The following PRIM2 variants were observed in gnomAD, a reference collection of about 807,000 sequenced individuals.
PRIM2 encodes the protein DNA primase large subunit.
In PRIM2, 39 loss-of-function variants were observed where a neutral mutation model predicts 67.3. The ratio of observed to expected loss-of-function variants is 0.58; its 90% CI spans 0.45 to 0.76. PRIM2 has a LOEUF of 0.76. Ranked by LOEUF, PRIM2 falls within the 30% of genes least tolerant of loss-of-function variation. PRIM2 has a pLI of 0.00. For missense variants in PRIM2, 398 were observed against 598.7 expected, an observed-to-expected ratio of 0.66 and a Z score of 3.50; for synonymous variants, 143 against 198.7, an observed-to-expected ratio of 0.72 and a Z score of 2.36.
rs147979906 is a variant in PRIM2 at position 57,372,904 on chromosome 6, G to T, written c.460-6997G>T. On this transcript the variant is annotated intron_variant, in intron 5 of 13. Transcript: ENST00000615550. ...TGTCTTTGCTATTGTGAATAGTGCT[G>T]CAGTGAACATATGTGTGCATGTATC... is the stretch of plus-strand genomic sequence containing the variant. 3.7e-3 allele frequency among the ~76,000 whole-genome samples: 561 copies of T among 152,238 alleles called. 7 individuals are homozygous for T. The highest frequency in any genetic ancestry group is 0.013 in the African/African-American group (537 of 41,546).
At chr6:57,424,059 G>T (rs2127373921) in intron 7 of PRIM2, among the ~76,000 whole-genome samples, 1 of 152,248 alleles carries the variant, frequency 6.6e-6, no homozygotes, top group South Asian at 2.1e-4. Flanking sequence ...GATAGGTAAG[G>T]ATGGGCACAG....
At chr6:57,266,670 A>G in the PRIM2 span, among the ~76,000 whole-genome samples, 60 of 152,230 alleles carry the variant, frequency 3.9e-4, no homozygotes, top group Non-Finnish European at 6.3e-4. Context: ...CTGATCTTCT[A>G]CTTCACTTTG....
intron 1 of PRIM2, among the ~76,000 whole-genome samples, chr6:57,318,022 A>G (rs1288807441): frequency 6.6e-6 from 1 of 152,210 alleles, no homozygotes; most frequent in Admixed American, 6.5e-5. Flanking sequence ...CAGTCCATCA[A>G]GTAAGACCCT....
intron 7 of PRIM2, among the ~76,000 whole-genome samples, chr6:57,411,866 A>G (rs1484357034): frequency 5.3e-5 from 8 of 151,830 alleles, no homozygotes; most frequent in Admixed American, 5.2e-4. Flanking sequence ...TATGCAATTT[A>G]TATAGCAGCA....
upstream of PRIM2, among the ~76,000 whole-genome samples, chr6:57,315,796 G>A (rs1370136737): frequency 6.6e-6 from 1 of 151,798 alleles, no homozygotes; most frequent in Non-Finnish European, 1.5e-5. Context: ...TACTTTTTAT[G>A]GTCAAGTCTT....
At chr6:57,645,321 TCACACACACACACACACACACACA>T (rs1189530732) in intron 13 of PRIM2, among the ~76,000 whole-genome samples, 87 of 132,852 alleles carry the variant, frequency 6.5e-4, no homozygotes, top group African/African-American at 2.0e-3. Context: ...ACAATGTCAT[TCACACACACACACACACACACACA>T]CACACACACA....
chr6:57,465,517 G>A (rs1442047674), intron 7 of PRIM2, among the ~76,000 whole-genome samples: 6 of 152,268 alleles, frequency 3.9e-5, no homozygotes, highest in African/African-American at 1.4e-4. Context: ...CTTTGTCGCA[G>A]ATCTGGATGT....
chr6:57,483,243 A>AT (rs1478680997), intron 7 of PRIM2, among the ~76,000 whole-genome samples: 59 of 152,170 alleles, frequency 3.9e-4, no homozygotes, highest in African/African-American at 1.4e-3. Flanking sequence ...ATGATTCTAG[A>AT]TTATTTATTT....
intron 7 of PRIM2, among the ~76,000 whole-genome samples, chr6:57,398,974 G>GT (rs1770615970): frequency 6.6e-6 from 1 of 151,618 alleles, no homozygotes; most frequent in Admixed American, 6.6e-5. Context: ...TGCAACCCCT[G>GT]TTTTTTTCTG....
chr6:57,568,846 G>A (rs1257552463), intron 10 of PRIM2, among the ~76,000 whole-genome samples: 1 of 152,218 alleles, frequency 6.6e-6, no homozygotes, highest in Admixed American at 6.5e-5. Flanking sequence ...AAGGCTGAAG[G>A]CCACAGGCCA....
intron 7 of PRIM2, among the ~76,000 whole-genome samples, chr6:57,483,742 G>A (rs1480316929): frequency 5.3e-5 from 8 of 152,184 alleles, no homozygotes; most frequent in Non-Finnish European, 8.8e-5. Flanking sequence ...TGCATATAGG[G>A]TTTTTGATTA....
chr6:57,242,256 T>A, the PRIM2 span, among the ~76,000 whole-genome samples: 1 of 152,120 alleles, frequency 6.6e-6, no homozygotes, highest in Non-Finnish European at 1.5e-5. Context: ...TTCCTTCATG[T>A]TAAAACACAT....
chr6:57,325,227 G>T (rs976195491), intron 4 of PRIM2, among the ~76,000 whole-genome samples: 2 of 151,350 alleles, frequency 1.3e-5, no homozygotes, highest in African/African-American at 4.9e-5. Flanking sequence ...CTTTTATTTG[G>T]CATTTATAAA....
At chr6:57,500,236 A>G (rs1554346740) in intron 7 of PRIM2, among the ~76,000 whole-genome samples, 10 of 152,218 alleles carry the variant, frequency 6.6e-5, no homozygotes, top group South Asian at 4.2e-4. Context: ...AGATCACTGC[A>G]TGTGCCACCC....
chr6:57,634,119 C>T (rs1489485517), intron 13 of PRIM2, among the ~76,000 whole-genome samples: 2 of 152,194 alleles, frequency 1.3e-5, no homozygotes, highest in East Asian at 1.9e-4. Flanking sequence ...AGCTGTCTAA[C>T]TCATCTAAAG....
chr6:57,412,143 T>A (rs1164363835), intron 7 of PRIM2, among the ~76,000 whole-genome samples: 2 of 151,604 alleles, frequency 1.3e-5, no homozygotes, highest in East Asian at 3.9e-4. Context: ...CAAGACTGCA[T>A]GAAGACAAAA....
chr6:57,528,530 G>T (rs1774812630), intron 8 of PRIM2, among the ~76,000 whole-genome samples: 1 of 151,898 alleles, frequency 6.6e-6, no homozygotes, highest in Admixed American at 6.6e-5. Context: ...ATTAATCTGG[G>T]CTGAGAACAA....
chr6:57,352,647 C>T (rs1768895376), intron 5 of PRIM2, among the ~76,000 whole-genome samples: 2 of 152,130 alleles, frequency 1.3e-5, no homozygotes, highest in African/African-American at 4.8e-5. Context: ...TGATGATACT[C>T]ACACTGAATC....
chr6:57,240,211 C>T, the PRIM2 span, among the ~76,000 whole-genome samples: 6 of 151,602 alleles, frequency 4.0e-5, no homozygotes, highest in Non-Finnish European at 8.8e-5. Flanking sequence ...AAGCGATTCT[C>T]CTGCCTCAGC....
Sources: allele counts gnomAD v4.1 joint callset (sites outside exome capture counted in the v4.1 genomes callset), GRCh38; gene constraint gnomAD v4.1.1; transcripts MANE v1.5; gene names NCBI Gene and HGNC (gene_info 2026-07-23, HGNC 2026-07-21).